The following EFCAB6 variants were observed in gnomAD, a reference collection of about 807,000 sequenced individuals.
EFCAB6 encodes EF-hand calcium-binding domain-containing protein 6.
A neutral mutation model predicts 169.8 loss-of-function variants in EFCAB6; 156 were observed. The observed-to-expected ratio is 0.92, with a 90% CI of 0.81 to 1.05. EFCAB6 has a LOEUF of 1.05. Ranked by LOEUF, EFCAB6 falls within the 50% of genes least tolerant of loss-of-function variation. The probability of loss-of-function intolerance (pLI) is 0.00; values close to 1 mark genes in which losing one functional copy is unlikely to be tolerated. For synonymous variants in EFCAB6, 698 were observed against 676.4 expected, an observed-to-expected ratio of 1.03 and a Z score of -0.50; for missense variants, 1,800 against 1,829.1, an observed-to-expected ratio of 0.98 and a Z score of 0.29.
chr22:43,773,885 G>C (rs1257076020), intron 3 of EFCAB6, among the ~76,000 whole-genome samples: 3 of 152,116 alleles, frequency 2.0e-5, no homozygotes. Flanking sequence ...GTCTAAATAA[G>C]CTTTTGGGTT....
chr22:43,773,153 T>A, intron 3 of EFCAB6, 50 bp from the exon 4 acceptor site: 1 of 1,580,842 alleles, frequency 6.3e-7, no homozygotes, highest in Non-Finnish European at 8.7e-7. Flanking sequence ...GCCAAGATAC[T>A]AAACAGAAAC....
intron 27 of EFCAB6, chr22:43,552,756 A>C (rs913055946): frequency 4.2e-4 from 64 of 152,368 alleles, no homozygotes; most frequent in African/African-American, 1.5e-3. Flanking sequence ...TCAGCATGTC[A>C]TTAATTTCTA....
chr22:43,624,781 T>C (rs2054380041), intron 20 of EFCAB6, among the ~76,000 whole-genome samples: 2 of 152,210 alleles, frequency 1.3e-5, no homozygotes, highest in Non-Finnish European at 1.5e-5. Context: ...CCTGGGACAA[T>C]GTCTAGCATA....
intron 18 of EFCAB6, among the ~76,000 whole-genome samples, chr22:43,634,661 CAT>C (rs1418145843): frequency 1.0e-4 from 15 of 142,958 alleles, no homozygotes; most frequent in Non-Finnish European, 1.8e-4. Context: ...GGTTTCCTAA[CAT>C]CCGGTGGGGG....
chr22:43,705,390 A>G (rs1472164291), intron 10 of EFCAB6, among the ~76,000 whole-genome samples: 2 of 152,276 alleles, frequency 1.3e-5, no homozygotes, highest in East Asian at 1.9e-4. Context: ...TAATAAATAT[A>G]TAGAACATTC....
intron 17 of EFCAB6, among the ~76,000 whole-genome samples, chr22:43,662,549 C>T (rs1008224264): frequency 6.6e-6 from 1 of 152,188 alleles, no homozygotes; most frequent in African/African-American, 2.4e-5. Context: ...CCCACCTCCT[C>T]AGGGACAAAC....
rs187122984 is a variant in EFCAB6 at position 43,766,077 on chromosome 22, G to A, written c.352-684C>T. Among the ~76,000 whole-genome samples, 41 of 151,966 alleles carry A rather than the reference G, an allele frequency of 2.7e-4. 1 individual carries two copies. The East Asian group carries it at 6.6e-3, about 24-fold the overall frequency. On this transcript the variant is annotated intron_variant, in intron 4 of 31. Coordinates refer to ENST00000262726, the MANE Select transcript of EFCAB6 (RefSeq NM_022785.4). ...TTGAGATGGAGTCTCGCTCTGTCAC[G>A]CAGGCTGGAGGGCAGTCACAGAATC...
chr22:43,579,616 T>C (rs2050570038), intron 25 of EFCAB6, among the ~76,000 whole-genome samples: 1 of 150,886 alleles, frequency 6.6e-6, no homozygotes, highest in South Asian at 2.1e-4. Flanking sequence ...GCAGGCATCA[T>C]TCCCTACATG....
At position 43,540,124 on chromosome 22, in the gene EFCAB6, C is replaced by G; in HGVS notation, c.3879+3G>C. 6.2e-7 allele frequency: 1 copy of G among 1,613,824 alleles called. No individual in the cohort carries two copies. On this transcript the variant is annotated splice_donor_region_variant and intron_variant, in intron 28 of 31. Coordinates refer to ENST00000262726, the MANE Select transcript of EFCAB6 (RefSeq NM_022785.4). ...GGGACACCTGGCAGGATGGAGAACT[C>G]ACACAGGGGTGGCTCTGCGACTTTG...
At chr22:43,719,018 C>T (rs555547642) in intron 8 of EFCAB6, among the ~76,000 whole-genome samples, 1 of 152,294 alleles carries the variant, frequency 6.6e-6, no homozygotes, top group African/African-American at 2.4e-5. Flanking sequence ...GACACTGGTA[C>T]TCTCATGGCA....
At chr22:43,589,860 C>A (rs1445244660) in intron 24 of EFCAB6, among the ~76,000 whole-genome samples, 1 of 152,130 alleles carries the variant, frequency 6.6e-6, no homozygotes, top group East Asian at 1.9e-4. Flanking sequence ...GCTGCTAAGA[C>A]ACATCAGGAA....
intron 6 of EFCAB6, among the ~76,000 whole-genome samples, chr22:43,742,844 T>C (rs2147758521): frequency 6.6e-6 from 1 of 152,318 alleles, no homozygotes; most frequent in East Asian, 1.9e-4. Flanking sequence ...TCAGACCCTC[T>C]AGGTGTCCTT....
At chr22:43,651,721 G>A (rs763419596) in intron 17 of EFCAB6, among the ~76,000 whole-genome samples, 4 of 152,238 alleles carry the variant, frequency 2.6e-5, no homozygotes, top group Non-Finnish European at 4.4e-5. Flanking sequence ...CCACAGGGGC[G>A]GAGCTGCCCA....
At chr22:43,568,975 A>G (rs1283839313) in intron 26 of EFCAB6, among the ~76,000 whole-genome samples, 1 of 152,188 alleles carries the variant, frequency 6.6e-6, no homozygotes, top group East Asian at 1.9e-4. Context: ...CCAGGTGGGG[A>G]AAGCCTGGTG....
chr22:43,791,495 C>T (rs1415903135), intron 2 of EFCAB6, among the ~76,000 whole-genome samples: 1 of 151,954 alleles, frequency 6.6e-6, no homozygotes, highest in Non-Finnish European at 1.5e-5. Flanking sequence ...CCTTGGGGTC[C>T]TCCAACGTTC....
chr22:43,656,148 T>G (rs1385703746), intron 17 of EFCAB6, among the ~76,000 whole-genome samples: 1 of 152,114 alleles, frequency 6.6e-6, no homozygotes, highest in East Asian at 1.9e-4. Context: ...CTCAGCACTT[T>G]GGGAGGCCAA....
At chr22:43,687,339 A>T (rs1569388808) in intron 11 of EFCAB6, 132 bp downstream of exon 11, 1 of 577,114 alleles carries the variant, frequency 1.7e-6, no homozygotes, top group Non-Finnish European at 2.9e-6. Flanking sequence ...ACTATATAAA[A>T]GTTGGCAATT....
At chr22:43,699,129 A>G (rs532980764) in intron 10 of EFCAB6, among the ~76,000 whole-genome samples, 1 of 152,178 alleles carries the variant, frequency 6.6e-6, no homozygotes, top group South Asian at 2.1e-4. Flanking sequence ...GTTCATCTAG[A>G]TCCACTTTCT....
intron 12 of EFCAB6, 69 bp from the exon 13 acceptor site, chr22:43,678,232 T>C (rs2057855247): frequency 1.5e-5 from 22 of 1,473,304 alleles, no homozygotes; most frequent in Admixed American, 2.1e-5. Context: ...GTGTTATGTA[T>C]GTTTAGCATC....
Sources: allele counts gnomAD v4.1 joint callset (sites outside exome capture counted in the v4.1 genomes callset), GRCh38; gene constraint gnomAD v4.1.1; transcripts MANE v1.5; gene names NCBI Gene and HGNC (gene_info 2026-07-23, HGNC 2026-07-21).